Variants in RPS6KC1 observed in about 807,000 individuals in gnomAD.
RPS6KC1 encodes the protein ribosomal protein S6 kinase C1, also known as inactive ribosomal protein S6 kinase delta-1.
In RPS6KC1, 54 loss-of-function variants were observed where a neutral mutation model predicts 103.8. The observed-to-expected ratio is 0.52, with a 90% confidence interval of 0.42 to 0.65. RPS6KC1 has a LOEUF of 0.65. Among genes scored for constraint, RPS6KC1 ranks in the 30% least tolerant of loss-of-function variants. The pLI, the probability that RPS6KC1 is intolerant of heterozygous loss-of-function variation, is 0.00. For synonymous variants in RPS6KC1, 439 were observed against 438.7 expected, an observed-to-expected ratio of 1.00 and a Z score of -0.01; for missense variants, 1,151 against 1,253.8, an observed-to-expected ratio of 0.92 and a Z score of 1.24.
At chr1:213,233,357 C>T (rs2094147530) in intron 10 of RPS6KC1, among the ~76,000 whole-genome samples, 1 of 152,102 alleles carries the variant, frequency 6.6e-6, no homozygotes, top group East Asian at 1.9e-4. Context: ...CTGAGGATAC[C>T]AGTGCATTAC....
chr1:213,608,009 C>T, the RPS6KC1 span, among the ~76,000 whole-genome samples: 5 of 152,286 alleles, frequency 3.3e-5, no homozygotes, highest in African/African-American at 7.2e-5. Flanking sequence ...CATCCTGATT[C>T]GGTTCCCCAA....
At chr1:213,164,108 T>A (rs1233699012) in intron 6 of RPS6KC1, among the ~76,000 whole-genome samples, 1 of 152,256 alleles carries the variant, frequency 6.6e-6, no homozygotes, top group African/African-American at 2.4e-5. Context: ...TTATAGTAAC[T>A]GTGTAACTGA....
chr1:213,566,377 A>G, the RPS6KC1 span, among the ~76,000 whole-genome samples: 2 of 120,998 alleles, frequency 1.7e-5, no homozygotes, highest in African/African-American at 6.1e-5. Flanking sequence ...GTTGACTTTT[A>G]TTGCTCTCAG....
chr1:213,751,497 G>A, the RPS6KC1 span, among the ~76,000 whole-genome samples: 1 of 152,090 alleles, frequency 6.6e-6, no homozygotes, highest in African/African-American at 2.4e-5. Context: ...CTCCCAATTA[G>A]ACATCCAGAG....
chr1:213,385,560 T>C, the RPS6KC1 span, among the ~76,000 whole-genome samples: 1 of 152,236 alleles, frequency 6.6e-6, no homozygotes, highest in African/African-American at 2.4e-5. Context: ...TTCTCCTCAC[T>C]AGCTGAGGAC....
the RPS6KC1 span, among the ~76,000 whole-genome samples, chr1:213,858,666 A>G: frequency 2.6e-5 from 4 of 152,216 alleles, no homozygotes; most frequent in East Asian, 3.9e-4. Context: ...TTCCACTGGC[A>G]TGTTCTGTCT....
the RPS6KC1 span, among the ~76,000 whole-genome samples, chr1:213,448,225 C>T: frequency 1.3e-5 from 1 of 75,814 alleles, no homozygotes; most frequent in African/African-American, 5.7e-5. Context: ...GTGAGACTGT[C>T]AAAAAAAAAA....
At chr1:213,502,975 A>C in the RPS6KC1 span, among the ~76,000 whole-genome samples, 3 of 151,856 alleles carry the variant, frequency 2.0e-5, no homozygotes, top group Admixed American at 2.0e-4. Context: ...GAGTAGGCTT[A>C]ATTCTATTCC....
intron 3 of RPS6KC1, among the ~76,000 whole-genome samples, chr1:213,093,095 C>A (rs77547997): frequency 0.011 from 1,726 of 152,036 alleles, 33 homozygotes; most frequent in African/African-American, 0.039. Flanking sequence ...AATAAGTAAG[C>A]AATTTATCTC....
the RPS6KC1 span, among the ~76,000 whole-genome samples, chr1:213,765,651 A>C: frequency 1.3e-5 from 2 of 152,020 alleles, no homozygotes; most frequent in Non-Finnish European, 2.9e-5. Flanking sequence ...CGTCAGGCAC[A>C]TAAGGCCACT....
At chr1:213,259,222 A>C (rs1244113084) in intron 12 of RPS6KC1, among the ~76,000 whole-genome samples, 1 of 152,196 alleles carries the variant, frequency 6.6e-6, no homozygotes, top group Admixed American at 6.5e-5. Flanking sequence ...TGTACTTTAA[A>C]AATTTAAACA....
At chr1:213,530,369 A>T in the RPS6KC1 span, among the ~76,000 whole-genome samples, 1 of 152,212 alleles carries the variant, frequency 6.6e-6, no homozygotes, top group African/African-American at 2.4e-5. Context: ...TCTCTGGCAT[A>T]CCTGAATTTT....
the RPS6KC1 span, among the ~76,000 whole-genome samples, chr1:213,629,744 G>A: frequency 6.6e-6 from 1 of 152,230 alleles, no homozygotes; most frequent in South Asian, 2.1e-4. Context: ...TTCATGTTTA[G>A]TGCTTCCTTC....
At chr1:213,201,281 A>G (rs973179722) in intron 8 of RPS6KC1, among the ~76,000 whole-genome samples, 2 of 152,236 alleles carry the variant, frequency 1.3e-5, no homozygotes, top group African/African-American at 4.8e-5. Context: ...CACTGGTAAA[A>G]AAGAAATACC....
chr1:213,293,345 T>C, the RPS6KC1 span, among the ~76,000 whole-genome samples: 1 of 152,176 alleles, frequency 6.6e-6, no homozygotes, highest in South Asian at 2.1e-4. Context: ...GACAAACATA[T>C]TGGGAAAAAA....
At chr1:213,392,841 A>C in the RPS6KC1 span, among the ~76,000 whole-genome samples, 38 of 152,292 alleles carry the variant, frequency 2.5e-4, no homozygotes, top group African/African-American at 8.9e-4. Context: ...GATTTAACTG[A>C]TATTTATTTG....
the RPS6KC1 span, among the ~76,000 whole-genome samples, chr1:213,571,751 G>A: frequency 6.6e-6 from 1 of 152,204 alleles, no homozygotes; most frequent in African/African-American, 2.4e-5. Flanking sequence ...AGGCACTTTT[G>A]AGATGGAGAA....
chr1:213,694,880 G>A, the RPS6KC1 span, among the ~76,000 whole-genome samples: 1 of 152,218 alleles, frequency 6.6e-6, no homozygotes, highest in Non-Finnish European at 1.5e-5. Flanking sequence ...AGGGATGGCA[G>A]GAAAACCAGG....
chr1:213,242,169 G>C lies in RPS6KC1; in HGVS notation c.2693G>C (p.Arg898Thr), dbSNP rs199577296. Residue 898 changes from arginine to threonine, a missense_variant, in exon 11 of 15, where the codon AGG becomes ACG. Physicochemically the swap from Arg to Thr is moderately conservative, Grantham distance 71. This residue lies in a region of RPS6KC1 where 189 missense variants were observed against 228.8 expected (regional missense o/e 0.83). Transcript: ENST00000366960. Reference sequence around the variant, plus strand: ...GATAAAAAATTAGCACTAGCCTCCAGGTTTTACATCCCAGAGGGCTGCATT... The same window carrying C: ...GATAAAAAATTAGCACTAGCCTCCACGTTTTACATCCCAGAGGGCTGCATT... Reference protein sequence around the residue: ...DLDKKLALASRFYIPEGCIQR... With the variant: ...DLDKKLALASTFYIPEGCIQR... 5.0e-6 allele frequency: 8 copies of C among 1,613,928 alleles called. No individual in the cohort carries two copies. The highest frequency in any genetic ancestry group is 6.8e-6 in the Non-Finnish European group (8 of 1,179,918).
Sources: gnomAD v4.1 joint callset for allele counts (sites outside exome capture counted in the v4.1 genomes callset) on GRCh38, gnomAD v4.1.1 for gene constraint, gnomAD v4.1.1 regional missense constraint, MANE v1.5 for transcripts, NCBI Gene and HGNC (gene_info 2026-07-23, HGNC 2026-07-21) for gene names.